TC2N: variants seen among roughly 807,000 people sequenced by gnomAD.
TC2N encodes the protein tandem C2 domains, nuclear.
A neutral mutation model predicts 61.9 loss-of-function variants in TC2N; 51 were observed. That is an observed-to-expected ratio of 0.82 (90% CI 0.66 to 1.04). The LOEUF is 1.04. Ranked by LOEUF, TC2N falls within the 50% of genes least tolerant of loss-of-function variation. TC2N has a pLI of 0.00. For synonymous variants in TC2N, 204 were observed against 192.6 expected, an observed-to-expected ratio of 1.06 and a Z score of -0.49; for missense variants, 556 against 566.7, an observed-to-expected ratio of 0.98 and a Z score of 0.19.
intron 1 of TC2N, among the ~76,000 whole-genome samples, chr14:91,829,258 C>T (rs773254460): frequency 1.3e-5 from 2 of 151,886 alleles, no homozygotes; most frequent in African/African-American, 4.8e-5. Context: ...ATTGTTTTTG[C>T]CCATTTCTTT....
chr14:91,856,486 CAA>C (rs3030738), intron 1 of TC2N, among the ~76,000 whole-genome samples: 18,704 of 116,934 alleles, frequency 0.16, 1,161 homozygotes, highest in East Asian at 0.23. Flanking sequence ...GACCTTGTCT[CAA>C]AAAAAAAAAA....
At chr14:91,846,555 C>T (rs1167007739) in intron 1 of TC2N, among the ~76,000 whole-genome samples, 12 of 152,124 alleles carry the variant, frequency 7.9e-5, no homozygotes, top group Admixed American at 7.9e-4. Flanking sequence ...CCAAAAGAGG[C>T]ATCCAGCCCA....
At chr14:91,799,261 T>C (rs1387078874) in intron 5 of TC2N, among the ~76,000 whole-genome samples, 197 bp from the exon 6 acceptor site, 1 of 151,788 alleles carries the variant, frequency 6.6e-6, no homozygotes, top group Non-Finnish European at 1.5e-5. Context: ...ATCTTAAATA[T>C]CTTACAAGAT....
At chr14:91,791,400 A>G (rs1885649920) in intron 9 of TC2N, among the ~76,000 whole-genome samples, 1 of 152,220 alleles carries the variant, frequency 6.6e-6, no homozygotes, top group South Asian at 2.1e-4. Context: ...TATAAATCCC[A>G]TACAAATTTA....
At chr14:91,835,767 G>C (rs1887969191) in intron 1 of TC2N, among the ~76,000 whole-genome samples, 1 of 152,234 alleles carries the variant, frequency 6.6e-6, no homozygotes, top group South Asian at 2.1e-4. Flanking sequence ...AAACATCACA[G>C]GTAAAAACCC....
intron 1 of TC2N, among the ~76,000 whole-genome samples, chr14:91,860,303 C>T (rs1888564006): frequency 7.1e-6 from 1 of 141,800 alleles, no homozygotes; most frequent in Non-Finnish European, 1.5e-5. Context: ...TTATGGGGGG[C>T]TGGGGAAGGG....
intron 8 of TC2N, among the ~76,000 whole-genome samples, chr14:91,796,233 T>C (rs1221814296): frequency 6.6e-6 from 1 of 152,022 alleles, no homozygotes; most frequent in Non-Finnish European, 1.5e-5. Context: ...TAAAGTAAGA[T>C]CCCAATATAT....
rs145084043 is a variant in TC2N, at chr14:91,802,420, T to A, written c.303A>T (p.Gly101=). Residue 101 remains glycine (G), a splice_region_variant and synonymous_variant, in exon 4 of 12, where the codon GGA becomes GGT. Coordinates refer to ENST00000435962, the MANE Select transcript of TC2N (RefSeq NM_001128596.3). ...ETPSHLEELE[G]SARASFGDRK... is the part of the protein sequence containing the mutation. ...GATCTCCAAAAGATGCTCTGGCAGATCCTGAAAGCAAATGTTTCTAAAAGT... is the reference window on the plus strand; with the variant it reads ...GATCTCCAAAAGATGCTCTGGCAGAACCTGAAAGCAAATGTTTCTAAAAGT... 1.9e-6 allele frequency: 3 copies of A among 1,608,934 alleles called. No individual in the cohort carries two copies. Among genetic ancestry groups the A allele is most frequent in the African/African-American group, 2.7e-5 (2 of 74,610 alleles).
chr14:91,830,626 A>G (rs1887716995), intron 1 of TC2N, among the ~76,000 whole-genome samples: 1 of 151,418 alleles, frequency 6.6e-6, no homozygotes, highest in South Asian at 2.1e-4. Flanking sequence ...AGAATTATAT[A>G]GTGATAGTTG....
intron 1 of TC2N, among the ~76,000 whole-genome samples, chr14:91,862,476 G>A (rs923903493): frequency 1.3e-5 from 2 of 152,194 alleles, no homozygotes; most frequent in African/African-American, 4.8e-5. Context: ...CCGTCAACAG[G>A]TTTGTTGGTC....
intron 1 of TC2N, among the ~76,000 whole-genome samples, chr14:91,826,318 T>TG (rs545376973): frequency 0.12 from 2,516 of 21,456 alleles, 52 homozygotes; most frequent in Admixed American, 0.19. Flanking sequence ...AGACCTTGTC[T>TG]GAAAAAAAAA....
At chr14:91,813,951 G>A (rs1245157826) in intron 1 of TC2N, 126 bp from the exon 2 acceptor site, 3 of 400,838 alleles carry the variant, frequency 7.5e-6, no homozygotes, top group Non-Finnish European at 1.3e-5. Flanking sequence ...AATACTTGAG[G>A]AAGATAGATT....
At chr14:91,853,830 A>G (rs1164366090) in intron 1 of TC2N, among the ~76,000 whole-genome samples, 1 of 152,124 alleles carries the variant, frequency 6.6e-6, no homozygotes, top group East Asian at 1.9e-4. Flanking sequence ...TGAACTCTTA[A>G]TATCTGAAGC....
intron 8 of TC2N, among the ~76,000 whole-genome samples, chr14:91,795,384 T>A (rs1885848462): frequency 6.6e-6 from 1 of 152,224 alleles, no homozygotes; most frequent in East Asian, 1.9e-4. Flanking sequence ...ACAGGGAACT[T>A]TTTTGTGAAA....
chr14:91,835,190 T>C (rs1256880739), intron 1 of TC2N, among the ~76,000 whole-genome samples: 2 of 152,216 alleles, frequency 1.3e-5, no homozygotes, highest in East Asian at 3.8e-4. Context: ...TATGGCCTCT[T>C]CCTCAGTTAT....
chr14:91,849,003 C>T (rs1306027818), intron 1 of TC2N, among the ~76,000 whole-genome samples: 1 of 152,118 alleles, frequency 6.6e-6, no homozygotes, highest in African/African-American at 2.4e-5. Context: ...CTGTTTCTAC[C>T]TTTGACCTTG....
intron 9 of TC2N, among the ~76,000 whole-genome samples, chr14:91,791,671 AATCT>A (rs1465719940): frequency 6.6e-6 from 1 of 152,064 alleles, no homozygotes; most frequent in Non-Finnish European, 1.5e-5. Flanking sequence ...CAACTTTCCT[AATCT>A]ATTTCAGGGC....
At chr14:91,863,829 CAA>C (rs35582740) in intron 1 of TC2N, among the ~76,000 whole-genome samples, 18 of 61,004 alleles carry the variant, frequency 3.0e-4, no homozygotes, top group Admixed American at 8.7e-4. Context: ...TCCATCTCTA[CAA>C]AAAAAAAAAA....
At chr14:91,825,021 CTTTTCT>C (rs1887428327) in intron 1 of TC2N, among the ~76,000 whole-genome samples, 2 of 94,864 alleles carry the variant, frequency 2.1e-5, no homozygotes, top group African/African-American at 3.8e-5. Flanking sequence ...TTTTCTTTTT[CTTTTCT>C]TTTTTTTTTT....
Sources: gnomAD v4.1 joint callset for allele counts (sites outside exome capture counted in the v4.1 genomes callset) on GRCh38, gnomAD v4.1.1 for gene constraint, MANE v1.5 for transcripts, NCBI Gene and HGNC (gene_info 2026-07-23, HGNC 2026-07-21) for gene names.